Variants in EXOC4 observed in about 807,000 individuals in gnomAD.
EXOC4 encodes exocyst complex component 4, also known as SEC8-like 1.
EXOC4 carries 71 observed loss-of-function variants against 107.2 expected under a neutral mutation model. The ratio of observed to expected loss-of-function variants is 0.66; its 90% CI spans 0.55 to 0.81. EXOC4 has a LOEUF of 0.81. Ranked by LOEUF, EXOC4 falls within the 30% of genes least tolerant of loss-of-function variation. The probability of loss-of-function intolerance (pLI) is 0.00; values close to 1 mark genes in which losing one functional copy is unlikely to be tolerated. For missense variants in EXOC4, 1,108 were observed against 1,189.6 expected, an observed-to-expected ratio of 0.93 and a Z score of 1.01; for synonymous variants, 456 against 441.2, an observed-to-expected ratio of 1.03 and a Z score of -0.42.
chr7:133,740,914 G>T (rs1795550679), intron 10 of EXOC4, among the ~76,000 whole-genome samples: 1 of 152,128 alleles, frequency 6.6e-6, no homozygotes, highest in Non-Finnish European at 1.5e-5. Context: ...AGATTTGGAG[G>T]TATAATAGCT....
chr7:134,067,876 C>T (rs187859390), downstream of EXOC4, among the ~76,000 whole-genome samples: 591 of 152,166 alleles, frequency 3.9e-3, 2 homozygotes, highest in Middle Eastern at 0.01. Flanking sequence ...TCATCCTAGG[C>T]GGTGTTTTTA....
chr7:133,685,441 G>C (rs1267332759), intron 10 of EXOC4, among the ~76,000 whole-genome samples: 1 of 152,088 alleles, frequency 6.6e-6, no homozygotes, highest in Non-Finnish European at 1.5e-5. Context: ...GACCTCCCCA[G>C]CCATGTTGAA....
intron 10 of EXOC4, among the ~76,000 whole-genome samples, chr7:133,722,689 G>C (rs1795130009): frequency 6.6e-6 from 1 of 152,192 alleles, no homozygotes; most frequent in Non-Finnish European, 1.5e-5. Flanking sequence ...GAGTGTTCAT[G>C]TAAGTGTCTT....
At chr7:133,799,000 G>C (rs1307799065) in intron 10 of EXOC4, among the ~76,000 whole-genome samples, 1 of 152,100 alleles carries the variant, frequency 6.6e-6, no homozygotes, top group Non-Finnish European at 1.5e-5. Flanking sequence ...GATTTTGAGA[G>C]ACAGGTAAAA....
intron 7 of EXOC4, among the ~76,000 whole-genome samples, chr7:133,437,817 T>C (rs994148528): frequency 6.6e-6 from 1 of 152,188 alleles, no homozygotes; most frequent in African/African-American, 2.4e-5. Context: ...CTTCCTTCTC[T>C]CTAATTATAC....
intron 7 of EXOC4, among the ~76,000 whole-genome samples, chr7:133,448,508 A>G (rs113030554): frequency 0.065 from 9,834 of 152,014 alleles, 1,105 homozygotes; most frequent in African/African-American, 0.22. Flanking sequence ...GGGTCTCACT[A>G]TGTTGCCCAG....
At chr7:134,061,219 A>G (rs557286985) in intron 17 of EXOC4, among the ~76,000 whole-genome samples, 2 of 152,374 alleles carry the variant, frequency 1.3e-5, no homozygotes, top group Non-Finnish European at 2.9e-5. Context: ...ATCCAATTTC[A>G]TCTGGCATGA....
intron 9 of EXOC4, among the ~76,000 whole-genome samples, chr7:133,506,543 C>T (rs1799668894): frequency 6.6e-6 from 1 of 152,040 alleles, no homozygotes; most frequent in Admixed American, 6.5e-5. Flanking sequence ...AAAAATGTTG[C>T]AGTACAGACT....
intron 9 of EXOC4, among the ~76,000 whole-genome samples, chr7:133,628,782 A>G (rs966338851): frequency 6.6e-6 from 1 of 152,194 alleles, no homozygotes; most frequent in Admixed American, 6.5e-5. Flanking sequence ...GAAGCAATTA[A>G]GGACCATTTG....
At chr7:133,761,253 G>T (rs1299093366) in intron 10 of EXOC4, among the ~76,000 whole-genome samples, 3 of 152,096 alleles carry the variant, frequency 2.0e-5, no homozygotes, top group African/African-American at 7.2e-5. Flanking sequence ...AGTGCATAGA[G>T]CGACACAGAT....
At chr7:133,431,686 G>A (rs1797859904) in intron 7 of EXOC4, among the ~76,000 whole-genome samples, 1 of 152,122 alleles carries the variant, frequency 6.6e-6, no homozygotes, top group South Asian at 2.1e-4. Context: ...TATCTGAGGC[G>A]TTGTTTTTAG....
At chr7:133,792,849 G>A (rs570252525) in intron 10 of EXOC4, among the ~76,000 whole-genome samples, 1 of 152,038 alleles carries the variant, frequency 6.6e-6, no homozygotes, top group Non-Finnish European at 1.5e-5. Flanking sequence ...TCAAGAAAAG[G>A]TACCAAATAA....
chr7:133,382,988 T>C (rs909482283), intron 7 of EXOC4, among the ~76,000 whole-genome samples: 11 of 152,314 alleles, frequency 7.2e-5, no homozygotes, highest in Admixed American at 7.2e-4. Flanking sequence ...GTCAGCCCTG[T>C]GACCACACAC....
chr7:133,587,615 C>T (rs1435259923), intron 9 of EXOC4, among the ~76,000 whole-genome samples: 1 of 152,160 alleles, frequency 6.6e-6, no homozygotes, highest in Non-Finnish European at 1.5e-5. Flanking sequence ...GTTTTAACAT[C>T]ATTGTTTGAA....
intron 7 of EXOC4, among the ~76,000 whole-genome samples, chr7:133,393,468 A>G (rs1426472679): frequency 6.6e-6 from 1 of 152,138 alleles, no homozygotes; most frequent in Non-Finnish European, 1.5e-5. Flanking sequence ...ATATCTATTG[A>G]TTGATTTAAG....
At chr7:133,385,889 A>G (rs1265322789) in intron 7 of EXOC4, among the ~76,000 whole-genome samples, 2 of 152,214 alleles carry the variant, frequency 1.3e-5, no homozygotes, top group South Asian at 4.1e-4. Flanking sequence ...TTCAGTTCAC[A>G]TATTTTTAAA....
intron 10 of EXOC4, among the ~76,000 whole-genome samples, chr7:133,773,464 TTTATTA>T (rs141227227): frequency 0.012 from 1,773 of 149,290 alleles, 25 homozygotes; most frequent in African/African-American, 0.04. Context: ...TTACTAGGTT[TTTATTA>T]TTATTATTAT....
chr7:133,348,987 TC>T (rs1795847870), intron 5 of EXOC4, among the ~76,000 whole-genome samples: 1 of 152,172 alleles, frequency 6.6e-6, no homozygotes, highest in African/African-American at 2.4e-5. Context: ...TATACCTCTT[TC>T]TACTCATGGA....
At chr7:133,745,484 TATAA>T (rs547221364) in intron 10 of EXOC4, among the ~76,000 whole-genome samples, 3 of 152,140 alleles carry the variant, frequency 2.0e-5, no homozygotes, top group Non-Finnish European at 4.4e-5. Flanking sequence ...CACAGTGTTC[TATAA>T]ATAAATGTTA....
Sources: allele counts gnomAD v4.1 joint callset (sites outside exome capture counted in the v4.1 genomes callset), GRCh38; gene constraint gnomAD v4.1.1; transcripts MANE v1.5; gene names NCBI Gene and HGNC (gene_info 2026-07-23, HGNC 2026-07-21).